AGBL4: variants seen among roughly 807,000 people sequenced by gnomAD.
AGBL4 encodes the protein cytosolic carboxypeptidase 6.
In AGBL4, 58 loss-of-function variants were observed where a neutral mutation model predicts 66.4. That is an observed-to-expected ratio of 0.87 (90% CI 0.71 to 1.09). AGBL4 has a LOEUF of 1.09. AGBL4 is among the 50% of genes least tolerant of loss of function. The pLI is 0.00. For missense variants in AGBL4, 579 were observed against 631.0 expected, an observed-to-expected ratio of 0.92 and a Z score of 0.88; for synonymous variants, 234 against 222.9, an observed-to-expected ratio of 1.05 and a Z score of -0.44.
At chr1:49,486,780 T>C (rs934653348) in intron 3 of AGBL4, among the ~76,000 whole-genome samples, 9 of 151,972 alleles carry the variant, frequency 5.9e-5, no homozygotes, top group African/African-American at 2.2e-4. Flanking sequence ...AAAATTTACA[T>C]TCCTCTTACA....
chr1:49,514,992 C>A (rs1289928788), intron 3 of AGBL4, among the ~76,000 whole-genome samples: 2 of 152,042 alleles, frequency 1.3e-5, no homozygotes, highest in Admixed American at 6.6e-5. Flanking sequence ...GACTTCATGT[C>A]TAAAACACCA....
intron 3 of AGBL4, among the ~76,000 whole-genome samples, chr1:49,404,060 C>A (rs1645144156): frequency 6.6e-6 from 1 of 152,114 alleles, no homozygotes; most frequent in Admixed American, 6.5e-5. Context: ...CACCTCCATT[C>A]CTGAGTTAGG....
At chr1:49,083,701 C>G (rs562651709) in intron 4 of AGBL4, among the ~76,000 whole-genome samples, 1 of 152,218 alleles carries the variant, frequency 6.6e-6, no homozygotes, top group African/African-American at 2.4e-5. Context: ...CAAATTTCTG[C>G]AGCTCTATTG....
intron 4 of AGBL4, among the ~76,000 whole-genome samples, chr1:49,129,749 T>C (rs1233864764): frequency 6.6e-6 from 1 of 152,194 alleles, no homozygotes; most frequent in Non-Finnish European, 1.5e-5. Context: ...GTCTTTGCTG[T>C]TGTGAATAGT....
chr1:48,672,426 A>C (rs1646291304), intron 6 of AGBL4, among the ~76,000 whole-genome samples: 1 of 152,224 alleles, frequency 6.6e-6, no homozygotes, highest in African/African-American at 2.4e-5. Flanking sequence ...GGCTGGATTC[A>C]CCAGACTCCA....
At chr1:49,643,454 T>C (rs1254624320) in intron 3 of AGBL4, among the ~76,000 whole-genome samples, 1 of 151,290 alleles carries the variant, frequency 6.6e-6, no homozygotes, top group Admixed American at 6.6e-5. Context: ...ACAAATTTGA[T>C]AAAAATAATA....
chr1:49,731,186 T>C (rs916850216), intron 2 of AGBL4, among the ~76,000 whole-genome samples: 1 of 151,052 alleles, frequency 6.6e-6, no homozygotes, highest in Non-Finnish European at 1.5e-5. Flanking sequence ...TCAGGTGTCC[T>C]TCTTTACATT....
At chr1:49,039,497 C>A (rs1664934830) in intron 5 of AGBL4, among the ~76,000 whole-genome samples, 1 of 151,950 alleles carries the variant, frequency 6.6e-6, no homozygotes, top group Non-Finnish European at 1.5e-5. Flanking sequence ...GAAACTAAAA[C>A]CGTTCTAAAA....
rs138864743 is a variant in AGBL4 at position 49,463,957 on chromosome 1, G to T, written c.283-218093C>A. Among the ~76,000 whole-genome samples, 985 of 151,860 alleles carry T rather than the reference G, an allele frequency of 6.5e-3. 15 individuals are homozygous for T. The highest frequency in any genetic ancestry group is 0.023 in the African/African-American group (953 of 41,488). On this transcript the variant is annotated intron_variant, in intron 3 of 13. Transcript: ENST00000371839. ...AGGCTGTGGGTTGGTCTTATTTCCA[G>T]CATCTGGTACAGTGACTGCTGCCTA...
intron 1 of AGBL4, among the ~76,000 whole-genome samples, chr1:50,007,055 C>CA (rs964896633): frequency 1.0e-3 from 159 of 151,516 alleles, no homozygotes; most frequent in Middle Eastern, 6.8e-3. Flanking sequence ...TAAATAGAAA[C>CA]AAAAAAAATT....
intron 1 of AGBL4, among the ~76,000 whole-genome samples, chr1:49,863,935 C>A (rs1646638335): frequency 6.6e-6 from 1 of 152,260 alleles, no homozygotes; most frequent in Middle Eastern, 3.4e-3. Flanking sequence ...GGGTATATAA[C>A]CCCCCAAAAA....
At chr1:49,590,752 T>C (rs1308620325) in intron 3 of AGBL4, among the ~76,000 whole-genome samples, 2 of 152,070 alleles carry the variant, frequency 1.3e-5, no homozygotes, top group Non-Finnish European at 2.9e-5. Flanking sequence ...TTAGTGTTTC[T>C]AATTAAGAGA....
At chr1:48,871,716 G>C (rs569983012) in intron 5 of AGBL4, among the ~76,000 whole-genome samples, 3 of 152,170 alleles carry the variant, frequency 2.0e-5, no homozygotes, top group South Asian at 4.2e-4. Flanking sequence ...AGGTCAGCAG[G>C]AGTAACCTCT....
chr1:48,709,751 G>A (rs1396855217), intron 6 of AGBL4, among the ~76,000 whole-genome samples: 4 of 151,838 alleles, frequency 2.6e-5, no homozygotes, highest in African/African-American at 4.8e-5. Flanking sequence ...ACAGGCACCC[G>A]CCACCACGCC....
At chr1:49,553,754 T>G (rs1358205048) in intron 3 of AGBL4, among the ~76,000 whole-genome samples, 1 of 152,216 alleles carries the variant, frequency 6.6e-6, no homozygotes, top group Non-Finnish European at 1.5e-5. Context: ...AAAATTGTAT[T>G]GTATGTATAA....
intron 11 of AGBL4, among the ~76,000 whole-genome samples, chr1:48,555,538 G>C (rs571955095): frequency 6.6e-6 from 1 of 152,204 alleles, no homozygotes; most frequent in Non-Finnish European, 1.5e-5. Context: ...AAAGAAGGAA[G>C]CAAGAGAAAA....
At chr1:48,678,872 G>T (rs538727829) in intron 6 of AGBL4, among the ~76,000 whole-genome samples, 2 of 152,230 alleles carry the variant, frequency 1.3e-5, no homozygotes, top group Non-Finnish European at 2.9e-5. Context: ...TTTTAAAGCT[G>T]CCAGCACCAT....
intron 4 of AGBL4, among the ~76,000 whole-genome samples, chr1:49,101,597 G>C (rs933856937): frequency 6.6e-6 from 1 of 152,102 alleles, no homozygotes; most frequent in Admixed American, 6.6e-5. Context: ...GGAGTCAGAG[G>C]GATCTGTGTT....
intron 2 of AGBL4, among the ~76,000 whole-genome samples, chr1:49,713,803 T>C (rs1313882649): frequency 6.6e-6 from 1 of 150,928 alleles, no homozygotes; most frequent in Admixed American, 6.6e-5. Context: ...AGTCTCCTCA[T>C]TTTTTTTTAA....
Sources: gnomAD v4.1 joint callset for allele counts (sites outside exome capture counted in the v4.1 genomes callset) on GRCh38, gnomAD v4.1.1 for gene constraint, MANE v1.5 for transcripts, NCBI Gene and HGNC (gene_info 2026-07-23, HGNC 2026-07-21) for gene names.